AKR1C3: variants seen among roughly 807,000 people sequenced by gnomAD.
AKR1C3 encodes the protein 3-alpha hydroxysteroid dehydrogenase, type II.
AKR1C3 carries 48 observed loss-of-function variants against 43.6 expected under a neutral mutation model. The observed-to-expected ratio is 1.10, with a 90% CI of 0.87 to 1.40. The LOEUF is 1.40. AKR1C3 is among the 40% of genes most tolerant of loss of function. AKR1C3 has a pLI of 0.00. For synonymous variants in AKR1C3, 162 were observed against 139.6 expected, an observed-to-expected ratio of 1.16 and a Z score of -1.13; for missense variants, 482 against 391.2, an observed-to-expected ratio of 1.23 and a Z score of -1.96.
intron 1 of AKR1C3, among the ~76,000 whole-genome samples, chr10:5,085,655 A>G (rs1838949191): frequency 6.6e-6 from 1 of 151,912 alleles, no homozygotes; most frequent in Non-Finnish European, 1.5e-5. Context: ...GAACGGTACC[A>G]GCTCTTCTTT....
chr10:5,077,456 A>G (rs1554781946), intron 1 of AKR1C3, among the ~76,000 whole-genome samples: 1 of 152,182 alleles, frequency 6.6e-6, no homozygotes, highest in Non-Finnish European at 1.5e-5. Flanking sequence ...CTGGAGTTCC[A>G]CAATTCCCAT....
chr10:5,061,864 G>C (rs1242391741), intron 1 of AKR1C3, among the ~76,000 whole-genome samples: 7 of 152,126 alleles, frequency 4.6e-5, no homozygotes, highest in African/African-American at 1.7e-4. Context: ...AAGTATGAAA[G>C]ACAAAATGTC....
rs782789797 is a variant in AKR1C3 at position 5,102,097 on chromosome 10, G to A, written c.571-4G>A. On this transcript the variant is annotated splice_polypyrimidine_tract_variant and splice_region_variant and intron_variant, in intron 5 of 8. Coordinates refer to ENST00000380554, the MANE Select transcript of AKR1C3 (RefSeq NM_003739.6). ...TGATGCTTCTCTCTTTTGGTCAACT[G>A]CAGGTAGAATGTCATCCGTATTTCA... The A allele has an allele frequency of 3.8e-6, 6 of 1,587,512 alleles. No homozygotes were observed. The East Asian group carries it at 8.9e-5, about 24-fold the overall frequency.
chr10:5,064,484 T>C (rs1317570992), intron 1 of AKR1C3, among the ~76,000 whole-genome samples: 1 of 152,176 alleles, frequency 6.6e-6, no homozygotes, highest in Non-Finnish European at 1.5e-5. Context: ...AAAGATTTCA[T>C]GATGAAGACA....
intron 1 of AKR1C3, among the ~76,000 whole-genome samples, chr10:5,049,873 G>A (rs555026010): frequency 1.3e-5 from 2 of 152,282 alleles, no homozygotes; most frequent in South Asian, 4.1e-4. Flanking sequence ...TATAGGTTGA[G>A]GTCAGTGTGG....
Position 5,102,608 on chromosome 10 carries a change from G to A in AKR1C3, c.804G>A (p.Leu268=), listed in dbSNP as rs782275677. The part of the protein sequence containing the change: ...RYQLQRGVVV[L]AKSYNEQRIR... Reference sequence around the variant, plus strand: ...AGCTGCAGCGTGGGGTTGTGGTCCTGGCCAAGAGCTACAATGAGCAGCGCA... The same window carrying A: ...AGCTGCAGCGTGGGGTTGTGGTCCTAGCCAAGAGCTACAATGAGCAGCGCA... Residue 268 remains leucine, a synonymous_variant, in exon 7 of 9, where the codon CTG becomes CTA. Coordinates refer to ENST00000380554, the MANE Select transcript of AKR1C3 (RefSeq NM_003739.6). 25 of 1,520,944 alleles carry A rather than the reference G, an allele frequency of 1.6e-5. No individual in the cohort carries two copies. The South Asian group carries it at 3.2e-4, about 20-fold the overall frequency. 94.2% of individuals were successfully genotyped at this position (1,520,944 alleles called of 1,614,324 possible). A position where few individuals can be genotyped will look rare whatever the true frequency, so the allele number is the denominator to read the frequency against.
chr10:5,097,175 GTTATTAC>G (rs1195000782), intron 2 of AKR1C3, among the ~76,000 whole-genome samples: 5 of 152,144 alleles, frequency 3.3e-5, no homozygotes, highest in African/African-American at 9.6e-5. Flanking sequence ...TAACATCATA[GTTATTAC>G]TTAATACTAA....
chr10:5,074,676 A>C (rs1754981656), intron 1 of AKR1C3, among the ~76,000 whole-genome samples: 1 of 152,206 alleles, frequency 6.6e-6, no homozygotes, highest in South Asian at 2.1e-4. Context: ...CTGGGACACA[A>C]AAACCTGCCT....
At chr10:5,070,945 G>A (rs1838602919) in intron 1 of AKR1C3, among the ~76,000 whole-genome samples, 1 of 152,174 alleles carries the variant, frequency 6.6e-6, no homozygotes, top group South Asian at 2.1e-4. Flanking sequence ...CTTAACCAGT[G>A]TTTTGGGGGT....
intron 1 of AKR1C3, among the ~76,000 whole-genome samples, chr10:5,087,015 CTT>C (rs1838981349): frequency 6.6e-6 from 1 of 152,254 alleles, no homozygotes; most frequent in Non-Finnish European, 1.5e-5. Flanking sequence ...GGTCTTGACT[CTT>C]TATCCAATTT....
At chr10:5,083,233 C>A (rs1229868440) in intron 1 of AKR1C3, among the ~76,000 whole-genome samples, 1 of 152,140 alleles carries the variant, frequency 6.6e-6, no homozygotes, top group African/African-American at 2.4e-5. Context: ...CGACTCCCCC[C>A]ACCCCACAAC....
At chr10:5,086,326 G>A (rs1460332794) in intron 1 of AKR1C3, among the ~76,000 whole-genome samples, 1 of 151,358 alleles carries the variant, frequency 6.6e-6, no homozygotes, top group Non-Finnish European at 1.5e-5. Flanking sequence ...CCTTCATTTT[G>A]TTATGTACCC....
At chr10:5,097,588 T>G in intron 3 of AKR1C3, 38 bp downstream of exon 3, 2 of 1,612,094 alleles carry the variant, frequency 1.2e-6, no homozygotes, top group Non-Finnish European at 1.7e-6. Context: ...GCGCTTCTGC[T>G]GTCATTATAA....
At chr10:5,077,722 T>C (rs1384847578) in intron 1 of AKR1C3, 15 of 1,183,310 alleles carry the variant, frequency 1.3e-5, no homozygotes, top group Non-Finnish European at 1.6e-5. Context: ...CTTTTCCCTT[T>C]AGAGAAAAAA....
In AKR1C3 at chr10:5,102,084, CTT is replaced by C; in HGVS notation, c.571-14_571-13del. On this transcript the variant is annotated splice_polypyrimidine_tract_variant and intron_variant, in intron 5 of 8. Coordinates refer to ENST00000380554, the MANE Select transcript of AKR1C3 (RefSeq NM_003739.6). ...ATTTCATATAAATTGATGCTTCTCT[CTT>C]TTGGTCAACTGCAGGTAGAATGTCA... is the stretch of plus-strand genomic sequence containing the variant. 1 of 1,503,720 alleles carries C rather than the reference CTT, an allele frequency of 6.7e-7. No individual in the cohort carries two copies. The highest frequency in any genetic ancestry group is 9.2e-7 in the Non-Finnish European group (1 of 1,083,546). The allele number at this position is 1,503,720 out of a possible 1,614,324, so 93.1% of individuals were successfully genotyped here. A position where few individuals can be genotyped will look rare whatever the true frequency, so the allele number is the denominator to read the frequency against.
rs994272041 is a variant in AKR1C3, at chr10:5,094,529, G to C, written c.84+1G>C. The C allele has an allele frequency of 2.1e-5, 34 of 1,612,490 alleles. No homozygotes were observed. Among genetic ancestry groups the C allele is most frequent in the Non-Finnish European group, 2.8e-5 (33 of 1,178,752 alleles). On this transcript the variant is annotated splice_donor_variant, in intron 1 of 8. Coordinates refer to ENST00000380554, the MANE Select transcript of AKR1C3 (RefSeq NM_003739.6). LOFTEE classifies it high-confidence loss of function. The stretch of plus-strand genomic sequence containing the variant: ...ATTTGGCACCTATGCACCTCCAGAG[G>C]TAAGAATAATTCCTTTTAGTTTTCG...
intron 5 of AKR1C3, among the ~76,000 whole-genome samples, chr10:5,100,961 G>C (rs1182987977): frequency 6.6e-6 from 1 of 152,180 alleles, no homozygotes; most frequent in East Asian, 1.9e-4. Flanking sequence ...AAATTGGAAA[G>C]ATGACAATTC....
chr10:5,065,150 A>T (rs1358564471), intron 1 of AKR1C3, among the ~76,000 whole-genome samples: 3 of 152,198 alleles, frequency 2.0e-5, no homozygotes, highest in African/African-American at 7.2e-5. Flanking sequence ...GAGAACACTT[A>T]TACACTGCTG....
intron 1 of AKR1C3, among the ~76,000 whole-genome samples, chr10:5,073,646 G>A (rs773706942): frequency 1.3e-5 from 2 of 152,154 alleles, no homozygotes; most frequent in Admixed American, 6.5e-5. Flanking sequence ...AGGGCCAAGG[G>A]CAGAGCATTG....
Sources: gnomAD v4.1 joint callset for allele counts (sites outside exome capture counted in the v4.1 genomes callset) on GRCh38, gnomAD v4.1.1 for gene constraint, MANE v1.5 for transcripts, NCBI Gene and HGNC (gene_info 2026-07-23, HGNC 2026-07-21) for gene names.